Variants in SUMF1 observed in about 807,000 individuals in gnomAD.
SUMF1 encodes formylglycine-generating enzyme.
A neutral mutation model predicts 47.6 loss-of-function variants in SUMF1; 48 were observed. That is an observed-to-expected ratio of 1.01 (90% CI 0.80 to 1.28). SUMF1 has a LOEUF of 1.28. SUMF1 is among the 50% of genes most tolerant of loss of function. The probability of loss-of-function intolerance (pLI) is 0.00; values close to 1 mark genes in which losing one functional copy is unlikely to be tolerated. For synonymous variants in SUMF1, 230 were observed against 192.1 expected, an observed-to-expected ratio of 1.20 and a Z score of -1.63; for missense variants, 571 against 485.4, an observed-to-expected ratio of 1.18 and a Z score of -1.66.
At chr3:4,086,711 A>G (rs923801456) in intron 8 of SUMF1, among the ~76,000 whole-genome samples, 3 of 152,032 alleles carry the variant, frequency 2.0e-5, no homozygotes, top group Non-Finnish European at 4.4e-5. Flanking sequence ...AGCTCCCATA[A>G]TACCCTCATA....
chr3:4,204,661 A>G (rs1465804403), intron 8 of SUMF1, among the ~76,000 whole-genome samples: 2 of 151,704 alleles, frequency 1.3e-5, no homozygotes, highest in Admixed American at 1.3e-4. Context: ...GGCATGCTTC[A>G]TGCCTTTTCT....
At chr3:4,343,849 A>G (rs1473563346) in intron 8 of SUMF1, among the ~76,000 whole-genome samples, 1 of 152,246 alleles carries the variant, frequency 6.6e-6, no homozygotes, top group African/African-American at 2.4e-5. Context: ...AGATATAAAT[A>G]GGTACAAATA....
intron 3 of SUMF1, among the ~76,000 whole-genome samples, chr3:4,439,133 T>C (rs974985834): frequency 1.2e-4 from 19 of 152,340 alleles, no homozygotes; most frequent in African/African-American, 4.3e-4. Context: ...AGTGGTCACT[T>C]AGACATATGC....
At chr3:4,056,982 G>A (rs191799181) in intron 9 of SUMF1, among the ~76,000 whole-genome samples, 8 of 152,128 alleles carry the variant, frequency 5.3e-5, no homozygotes, top group East Asian at 1.9e-4. Context: ...TCCTGACCTC[G>A]TGATCCACCC....
At chr3:4,383,077 GA>G (rs66973528) in intron 7 of SUMF1, among the ~76,000 whole-genome samples, 136,636 of 150,340 alleles carry the variant, frequency 0.91, 62,572 homozygotes, top group Non-Finnish European at 0.97. Flanking sequence ...ATAATAAAAA[GA>G]AAAAAAAAAA....
intron 7 of SUMF1, among the ~76,000 whole-genome samples, chr3:4,377,039 G>A (rs1700350512): frequency 6.6e-6 from 1 of 152,024 alleles, no homozygotes; most frequent in Admixed American, 6.6e-5. Flanking sequence ...GAGCTCAAGT[G>A]ACCCTCCTAC....
intron 8 of SUMF1, among the ~76,000 whole-genome samples, chr3:4,210,039 T>A (rs964143696): frequency 7.2e-5 from 11 of 152,032 alleles, no homozygotes; most frequent in African/African-American, 2.7e-4. Context: ...AGATTACAGG[T>A]GTGTTCCACC....
chr3:4,418,879 C>A lies in SUMF1; in HGVS notation c.603-747G>T, dbSNP rs560311744. On this transcript the variant is annotated intron_variant, in intron 4 of 8. Coordinates refer to ENST00000272902, the MANE Select transcript of SUMF1 (RefSeq NM_182760.4). ...GAGAAAAAGGGGATAGACTCATTCA[C>A]CCAGCACTAGATGGCTTTGGCTGAA... Among the ~76,000 whole-genome samples, 4 of 152,284 alleles carry A rather than the reference C, an allele frequency of 2.6e-5. No individual in the cohort carries two copies. In the South Asian group the frequency reaches 8.3e-4, roughly 32 times the overall value.
intron 8 of SUMF1, among the ~76,000 whole-genome samples, chr3:4,246,328 C>A (rs936831480): frequency 1.3e-5 from 2 of 152,110 alleles, no homozygotes; most frequent in Non-Finnish European, 2.9e-5. Flanking sequence ...GCAGAAATCA[C>A]CCGTTTTCTG....
intron 8 of SUMF1, among the ~76,000 whole-genome samples, chr3:4,094,282 T>C (rs1225888488): frequency 1.3e-5 from 2 of 152,100 alleles, no homozygotes; most frequent in East Asian, 1.9e-4. Flanking sequence ...TATTTATTGG[T>C]ATTTCTCCTG....
At chr3:4,112,158 AT>A (rs1216713306) in intron 8 of SUMF1, among the ~76,000 whole-genome samples, 2 of 152,280 alleles carry the variant, frequency 1.3e-5, no homozygotes, top group African/African-American at 4.8e-5. Flanking sequence ...ATTCCAATAA[AT>A]AAAGCAAATC....
chr3:4,050,604 G>C lies in SUMF1; in HGVS notation c.1191+17965C>G, dbSNP rs550257556. ...TAAAAATACAAAAAATTCGTCAGGTGTGTTGGCACACACCTGTACTGCCAG... is the reference window on the plus strand; with the variant it reads ...TAAAAATACAAAAAATTCGTCAGGTCTGTTGGCACACACCTGTACTGCCAG... On this transcript the variant is annotated intron_variant and NMD_transcript_variant, in intron 9 of 12. Coordinates refer to the SUMF1 transcript ENST00000448413. Among the ~76,000 whole-genome samples, 7 of 151,634 alleles carry C rather than the reference G, an allele frequency of 4.6e-5. No individual in the cohort carries two copies. In the South Asian group the frequency reaches 1.5e-3, roughly 32 times the overall value.
intron 8 of SUMF1, among the ~76,000 whole-genome samples, chr3:4,226,615 A>C (rs1696181443): frequency 6.6e-6 from 1 of 151,860 alleles, no homozygotes; most frequent in African/African-American, 2.4e-5. Context: ...ATTAGCTACT[A>C]TTTGCTATGG....
intron 8 of SUMF1, among the ~76,000 whole-genome samples, chr3:4,278,657 A>T (rs534312714): frequency 6.6e-6 from 1 of 152,244 alleles, no homozygotes; most frequent in East Asian, 1.9e-4. Context: ...CTCAAGTGGC[A>T]CTGTCATCAG....
intron 8 of SUMF1, among the ~76,000 whole-genome samples, chr3:4,248,864 T>A (rs1427616772): frequency 6.6e-6 from 1 of 152,138 alleles, no homozygotes; most frequent in Non-Finnish European, 1.5e-5. Context: ...AACCGGACAT[T>A]CCCACCTACC....
intron 8 of SUMF1, among the ~76,000 whole-genome samples, chr3:4,110,742 G>C (rs935668434): frequency 6.0e-5 from 9 of 149,890 alleles, no homozygotes; most frequent in African/African-American, 2.0e-4. Flanking sequence ...CTATCGCAAG[G>C]ACAAAAAACC....
intron 8 of SUMF1, among the ~76,000 whole-genome samples, chr3:4,334,378 A>T (rs1001333672): frequency 6.6e-6 from 1 of 152,204 alleles, no homozygotes; most frequent in African/African-American, 2.4e-5. Context: ...ACAACCACAG[A>T]CACATGAGAT....
intron 8 of SUMF1, among the ~76,000 whole-genome samples, chr3:4,158,721 T>C (rs919825328): frequency 2.0e-5 from 3 of 151,668 alleles, no homozygotes; most frequent in Non-Finnish European, 2.9e-5. Context: ...CACCACTTTA[T>C]TACTATATAA....
intron 8 of SUMF1, among the ~76,000 whole-genome samples, chr3:4,196,752 T>TG (rs1321657961): frequency 1.3e-5 from 2 of 152,144 alleles, no homozygotes; most frequent in Non-Finnish European, 2.9e-5. Context: ...TTTCCTCACC[T>TG]GCAATGTATC....
Sources: gnomAD v4.1 joint callset for allele counts (sites outside exome capture counted in the v4.1 genomes callset) on GRCh38, gnomAD v4.1.1 for gene constraint, MANE v1.5 for transcripts, NCBI Gene and HGNC (gene_info 2026-07-23, HGNC 2026-07-21) for gene names.